The following FOXM1 variants were observed in gnomAD, a reference collection of about 807,000 sequenced individuals.
FOXM1 encodes the protein forkhead box protein M1.
In FOXM1, 25 loss-of-function variants were observed where a neutral mutation model predicts 63.6. That is an observed-to-expected ratio of 0.39 (90% CI 0.29 to 0.55). The LOEUF (loss-of-function observed/expected upper bound fraction) is 0.55. Among genes scored for constraint, FOXM1 ranks in the 20% least tolerant of loss-of-function variants. The pLI is 0.60. For synonymous variants in FOXM1, 387 were observed against 376.9 expected, an observed-to-expected ratio of 1.03 and a Z score of -0.31; for missense variants, 879 against 958.7, an observed-to-expected ratio of 0.92 and a Z score of 1.10.
chr12:2,863,516 G>A (rs559640524), intron 8 of FOXM1, among the ~76,000 whole-genome samples: 1 of 151,830 alleles, frequency 6.6e-6, no homozygotes, highest in African/African-American at 2.4e-5. Context: ...AGCCTCCTGA[G>A]TAGCTGGTAC....
At chr12:2,867,869 T>C (rs1180128636) in intron 4 of FOXM1, among the ~76,000 whole-genome samples, 1 of 150,494 alleles carries the variant, frequency 6.6e-6, no homozygotes, top group African/African-American at 2.5e-5. Context: ...TCCCAGCTAC[T>C]CGGGAGGCTG....
rs2098098418 is a variant in FOXM1 at position 2,858,730 on chromosome 12, T to C, written c.2200A>G (p.Ile734Val). ...LDTMNDSLSKILLDISFPGLD... is the reference protein window; with the variant it reads ...LDTMNDSLSKVLLDISFPGLD... ...CCAGGAAAGCTGATGTCCAGCAGGA[T>C]CTTGCTGAGGCTGTCATTCATTGTG... Residue 734 changes from isoleucine (I) to valine (V), a missense_variant, in exon 9 of 9, where the codon ATC becomes GTC. Physicochemically the swap from Ile to Val is conservative, Grantham distance 29. This residue lies in a region of FOXM1 where 486 missense variants were observed against 453.5 expected (regional missense o/e 1.07). Transcript: ENST00000359843. 6.2e-7 allele frequency: 1 copy of C among 1,614,210 alleles called. No homozygotes were observed. Among genetic ancestry groups the C allele is most frequent in the Middle Eastern group, 1.6e-4 (1 of 6,062 alleles).
In FOXM1 at chr12:2,864,796, A is replaced by C; in HGVS notation, c.1021-44T>G. 6.2e-7 allele frequency: 1 copy of C among 1,604,172 alleles called. No homozygotes were observed. Among genetic ancestry groups the C allele is most frequent in the East Asian group, 2.2e-5 (1 of 44,790 alleles). On this transcript the variant is annotated intron_variant, in intron 6 of 8. Coordinates refer to ENST00000359843, the MANE Select transcript of FOXM1 (RefSeq NM_021953.4). This position sits in a 1 kb window ranked among gnomAD's most constrained non-coding sequence, Gnocchi z 5.1. The stretch of plus-strand genomic sequence containing the variant: ...GAGAGAAAGAAACCTATGTTAACAC[A>C]ATAAGGTAAAGAGGGGATGGCAAAA...
At position 2,874,579 on chromosome 12, in the gene FOXM1, G is replaced by T; in HGVS notation, c.-47-54C>A. ...TAGAGATTGTTTAGGCTGAGAAGAG[G>T]TCCTTTTAGAGAAAGGTGCTCCTCT... is the stretch of plus-strand genomic sequence containing the variant. On this transcript the variant is annotated intron_variant, in intron 1 of 8. Coordinates refer to ENST00000359843, the MANE Select transcript of FOXM1 (RefSeq NM_021953.4). The surrounding 1 kb of genome is among the most constrained non-coding windows in gnomAD (Gnocchi z 4.3). 7.8e-7 allele frequency: 1 copy of T among 1,276,740 alleles called. No homozygotes were observed. Among genetic ancestry groups the T allele is most frequent in the Non-Finnish European group, 1.1e-6 (1 of 928,852 alleles). The allele number at this position is 1,276,740 out of a possible 1,614,324, so 79.1% of individuals were successfully genotyped here.
At chr12:2,869,923 A>G (rs1277417014) in intron 3 of FOXM1, among the ~76,000 whole-genome samples, 1 of 151,862 alleles carries the variant, frequency 6.6e-6, no homozygotes. Context: ...ATTACTTTCT[A>G]AAGTACACAA....
rs1425131390 is a variant in FOXM1 at position 2,871,015 on chromosome 12, G to A, written c.654+1081C>T. On this transcript the variant is annotated intron_variant, in intron 3 of 8. Transcript: ENST00000359843. ...CTAAACATTGAGCACACATGGATAT[G>A]AAGAAGGGAACACTAGACACCAGGG... is the stretch of plus-strand genomic sequence containing the variant. Among the ~76,000 whole-genome samples the A allele has an allele frequency of 2.1e-5, 3 of 140,662 alleles. No homozygotes were observed. The South Asian group carries it at 7.3e-4, about 34-fold the overall frequency. The allele number at this position is 140,662 out of a possible 152,430, so 92.3% of individuals were successfully genotyped here.
At chr12:2,865,083 C>T in intron 6 of FOXM1, 1 of 588,286 alleles carries the variant, frequency 1.7e-6, no homozygotes, top group Non-Finnish European at 3.0e-6. Context: ...ACTGCCGCCC[C>T]TGAGGCTGGT....
chr12:2,858,365 C>T lies in FOXM1; in HGVS notation c.*273G>A, dbSNP rs1246544201. ...CTGCTGGGCAGAGAATGGAAACAGG[C>T]TGGGGGGTTCCTAATCTCTTTTCAC... On this transcript the variant is annotated 3_prime_UTR_variant, in exon 9 of 9. Transcript: ENST00000359843. 1 of 432,022 alleles carries T rather than the reference C, an allele frequency of 2.3e-6. No homozygotes were observed. Among genetic ancestry groups the T allele is most frequent in the Non-Finnish European group, 4.2e-6 (1 of 240,870 alleles). 26.8% of individuals were successfully genotyped at this position (432,022 alleles called of 1,614,324 possible).
chr12:2,868,891 A>C, intron 3 of FOXM1, 137 bp from the exon 4 acceptor site: 2 of 571,860 alleles, frequency 3.5e-6, no homozygotes, highest in Non-Finnish European at 5.9e-6. Flanking sequence ...CCACTATCTC[A>C]TAGAATAAAA....
At position 2,858,366 on chromosome 12, in the gene FOXM1, TG is replaced by T; in HGVS notation, c.*271del. 1 of 433,772 alleles carries T rather than the reference TG, an allele frequency of 2.3e-6. No individual in the cohort carries two copies. Among genetic ancestry groups the T allele is most frequent in the Non-Finnish European group, 4.1e-6 (1 of 242,030 alleles). The allele number at this position is 433,772 out of a possible 1,614,324, so 26.9% of individuals were successfully genotyped here. A position where few individuals can be genotyped will look rare whatever the true frequency, so the allele number is the denominator to read the frequency against. ...TGCTGGGCAGAGAATGGAAACAGGC[TG>T]GGGGGTTCCTAATCTCTTTTCACCA... On this transcript the variant is annotated 3_prime_UTR_variant, in exon 9 of 9. Transcript: ENST00000359843.
At chr12:2,865,270 A>T in intron 6 of FOXM1, 85 bp downstream of exon 6, 1 of 1,255,364 alleles carries the variant, frequency 8.0e-7, no homozygotes, top group Non-Finnish European at 1.1e-6. Context: ...TCCCCACATC[A>T]CATCTTGTCT....
At chr12:2,865,070 C>T (rs570809404) in intron 6 of FOXM1, 20 of 582,646 alleles carry the variant, frequency 3.4e-5, no homozygotes, top group Non-Finnish European at 5.8e-5. Flanking sequence ...AGTGAGCGAA[C>T]GAACTGCCGC....
At position 2,874,623 on chromosome 12, in the gene FOXM1, G is replaced by A. The variant is rs1172197567; in HGVS notation, c.-47-98C>T. The A allele has an allele frequency of 6.3e-6, 5 of 788,994 alleles. No homozygotes were observed. Among genetic ancestry groups the A allele is most frequent in the South Asian group, 1.7e-5 (1 of 57,430 alleles). 48.9% of individuals were successfully genotyped at this position (788,994 alleles called of 1,614,324 possible). On this transcript the variant is annotated intron_variant, in intron 1 of 8. Coordinates refer to ENST00000359843, the MANE Select transcript of FOXM1 (RefSeq NM_021953.4). This position sits in a 1 kb window ranked among gnomAD's most constrained non-coding sequence, Gnocchi z 4.3. ...CTCCTCTTTATATGACCAGGAACAT[G>A]AGCCTAAAGGCCCAGGTAAACATTC...
In FOXM1 at chr12:2,859,202, C is replaced by T. The variant is rs544627443; in HGVS notation, c.1728G>A (p.Pro576=). 1.1e-5 allele frequency: 18 copies of T among 1,611,818 alleles called. No homozygotes were observed. Among genetic ancestry groups the T allele is most frequent in the South Asian group, 3.3e-5 (3 of 91,050 alleles). Residue 576 remains proline (P), a synonymous_variant, in exon 9 of 9, where the codon CCG becomes CCA. Transcript: ENST00000359843. ...PSTSRWAAEL[P]FPADSSDPAS... The stretch of plus-strand genomic sequence containing the variant: ...CAGGGTCAGAGGAGTCTGCTGGGAA[C>T]GGGAGCTCTGCGGCCCAGCGGGAAG...
chr12:2,861,538 T>C (rs1461675211), intron 8 of FOXM1: 3 of 381,224 alleles, frequency 7.9e-6, no homozygotes, highest in African/African-American at 2.1e-5. Flanking sequence ...GGCAAAGATA[T>C]AGATCTTATC....
rs765766328 is a variant in FOXM1 at position 2,859,133 on chromosome 12, C to T, written c.1797G>A (p.Lys599=). 1.2e-6 allele frequency: 2 copies of T among 1,606,122 alleles called. No homozygotes were observed. The highest frequency in any genetic ancestry group is 8.5e-7 in the Non-Finnish European group (1 of 1,176,764). The change falls in exon 9 of 9, where the codon AAG becomes AAA. Residue 599 remains lysine, a synonymous_variant. Transcript: ENST00000359843. ...SYSQEVGGPF[K]TPIKETLPIS... Reference sequence around the variant, plus strand: ...TGGGCAGCGTTTCCTTAATGGGTGTCTTAAAAGGTCCTCCCACTTCCTGGG... The same window carrying T: ...TGGGCAGCGTTTCCTTAATGGGTGTTTTAAAAGGTCCTCCCACTTCCTGGG...
intron 8 of FOXM1, among the ~76,000 whole-genome samples, chr12:2,863,459 G>A (rs2098117639): frequency 6.6e-6 from 1 of 151,284 alleles, no homozygotes. Flanking sequence ...TGCAAACAGG[G>A]CTCACTGCAG....
intron 1 of FOXM1, among the ~76,000 whole-genome samples, chr12:2,875,494 A>G (rs374098654): frequency 1.3e-5 from 2 of 152,218 alleles, no homozygotes; most frequent in Admixed American, 1.3e-4. Context: ...GGTGACATTT[A>G]TTTCACAGGC....
intron 8 of FOXM1, among the ~76,000 whole-genome samples, chr12:2,862,734 G>T (rs888043250): frequency 4.0e-4 from 60 of 151,684 alleles, no homozygotes; most frequent in Non-Finnish European, 6.6e-4. Flanking sequence ...TACAGACAGG[G>T]TCTTACTTTG....
Sources: allele counts gnomAD v4.1 joint callset (sites outside exome capture counted in the v4.1 genomes callset), GRCh38; gene constraint gnomAD v4.1.1; regional missense constraint gnomAD v4.1.1; non-coding constraint Gnocchi (gnomAD v3.1); transcripts MANE v1.5; gene names NCBI Gene and HGNC (gene_info 2026-07-23, HGNC 2026-07-21).